The following KIRREL3 variants were observed in gnomAD, a reference collection of about 807,000 sequenced individuals.
KIRREL3 encodes kirre like nephrin family adhesion molecule 3, also known as kin of IRRE-like protein 3.
KIRREL3 carries 36 observed loss-of-function variants against 89.7 expected under a neutral mutation model. The observed-to-expected ratio is 0.40, with a 90% CI of 0.31 to 0.53. The LOEUF (loss-of-function observed/expected upper bound fraction) is 0.53, where lower values mean the gene tolerates loss of function less well. Ranked by LOEUF, KIRREL3 falls within the 20% of genes least tolerant of loss-of-function variation. The probability of loss-of-function intolerance (pLI) is 0.49; values close to 1 mark genes in which losing one functional copy is unlikely to be tolerated. For missense variants in KIRREL3, 864 were observed against 1,056.6 expected, an observed-to-expected ratio of 0.82 and a Z score of 2.53; for synonymous variants, 445 against 441.4, an observed-to-expected ratio of 1.01 and a Z score of -0.10.
At position 126,486,499 on chromosome 11, in the gene KIRREL3, C is replaced by A. The variant is rs769015528; in HGVS notation, c.434-13033G>T. On this transcript the variant is annotated intron_variant, in intron 4 of 16. Transcript: ENST00000525144. This position sits in a 1 kb window ranked among gnomAD's most constrained non-coding sequence, Gnocchi z 6.2. ...TGTTTGCAGGAATAACCGGCACATG[C>A]CCCCTTGCAGCCGCTCACAAAGCTC... is the stretch of plus-strand genomic sequence containing the variant. Among the ~76,000 whole-genome samples the A allele has an allele frequency of 6.2e-4, 94 of 152,322 alleles. No individual in the cohort carries two copies. The highest frequency in any genetic ancestry group is 6.8e-3 in the Middle Eastern group (2 of 294).
intron 1 of KIRREL3, among the ~76,000 whole-genome samples, chr11:126,926,043 C>T (rs1027661946): frequency 6.6e-6 from 1 of 152,256 alleles, no homozygotes; most frequent in African/African-American, 2.4e-5. Flanking sequence ...TCTTATATGA[C>T]TCTAACCACC....
intron 1 of KIRREL3, among the ~76,000 whole-genome samples, chr11:126,893,973 G>A (rs1272541045): frequency 1.3e-5 from 2 of 152,132 alleles, no homozygotes; most frequent in Non-Finnish European, 2.9e-5. Context: ...TTTTAGATGT[G>A]GCTGTAGATA....
rs665874 is a variant in KIRREL3 at position 126,620,868 on chromosome 11, T to C, written c.56-57956A>G. Among the ~76,000 whole-genome samples the C allele has an allele frequency of 0.35, 52,864 of 152,052 alleles. 9,401 individuals carry two copies. The highest frequency in any genetic ancestry group is 0.44 in the Admixed American group (6,747 of 15,270). ...GGAAGGCCGTACCCCACTTGCTGGA[T>C]GAGAACATACTGACAAATAGGCCTA... On this transcript the variant is annotated intron_variant, in intron 1 of 16. Coordinates refer to ENST00000525144, the MANE Select transcript of KIRREL3 (RefSeq NM_032531.4). The surrounding 1 kb of genome is among the most constrained non-coding windows in gnomAD (Gnocchi z 4.8).
chr11:126,902,743 C>T (rs1483492889), intron 1 of KIRREL3, among the ~76,000 whole-genome samples: 1 of 152,222 alleles, frequency 6.6e-6, no homozygotes, highest in Non-Finnish European at 1.5e-5. Flanking sequence ...GACACAGCTC[C>T]TTTCCAATAT....
At position 126,860,754 on chromosome 11, in the gene KIRREL3, G is replaced by C. The variant is rs919495028; in HGVS notation, c.55+139701C>G. Reference sequence around the variant, plus strand: ...AGGCCAGTGAGGAGGCTCCTGCCCTGGTCCAAAGGAGAGAGGCTGAGACTC... The same window carrying C: ...AGGCCAGTGAGGAGGCTCCTGCCCTCGTCCAAAGGAGAGAGGCTGAGACTC... On this transcript the variant is annotated intron_variant, in intron 1 of 16. Coordinates refer to ENST00000525144, the MANE Select transcript of KIRREL3 (RefSeq NM_032531.4). This position sits in a 1 kb window ranked among gnomAD's most constrained non-coding sequence, Gnocchi z 4.6. 1.3e-5 allele frequency among the ~76,000 whole-genome samples: 2 copies of C among 152,192 alleles called. No homozygotes were observed. The highest frequency in any genetic ancestry group is 2.9e-5 in the Non-Finnish European group (2 of 68,038).
At chr11:126,899,264 G>A (rs1946280017) in intron 1 of KIRREL3, among the ~76,000 whole-genome samples, 1 of 152,148 alleles carries the variant, frequency 6.6e-6, no homozygotes, top group South Asian at 2.1e-4. Context: ...ACAGGAGCCT[G>A]CCTGAATGCT....
At chr11:126,583,008 A>C (rs1941638538) in intron 1 of KIRREL3, among the ~76,000 whole-genome samples, 2 of 150,694 alleles carry the variant, frequency 1.3e-5, no homozygotes, top group South Asian at 4.2e-4. Context: ...TAACAGATGG[A>C]CACTGCTATC....
At chr11:126,756,534 T>A (rs1054795377) in intron 1 of KIRREL3, among the ~76,000 whole-genome samples, 1 of 152,250 alleles carries the variant, frequency 6.6e-6, no homozygotes, top group African/African-American at 2.4e-5. Context: ...CCAGGACAGA[T>A]GTATTGTTGG....
intron 1 of KIRREL3, among the ~76,000 whole-genome samples, chr11:126,857,661 T>A (rs1944566187): frequency 6.6e-6 from 1 of 151,946 alleles, no homozygotes; most frequent in African/African-American, 2.4e-5. Flanking sequence ...GAAGCAGCAT[T>A]TCCAGGACTT....
At position 126,969,454 on chromosome 11, in the gene KIRREL3, C is replaced by A. The variant is rs1434359067; in HGVS notation, c.55+31001G>T. On this transcript the variant is annotated intron_variant, in intron 1 of 16. Coordinates refer to ENST00000525144, the MANE Select transcript of KIRREL3 (RefSeq NM_032531.4). This position sits in a 1 kb window ranked among gnomAD's most constrained non-coding sequence, Gnocchi z 4.9. The stretch of plus-strand genomic sequence containing the variant: ...AAGCCACTGAGGAGGTGACACCCAG[C>A]GGTATCTGGAAGAATGAACAGGTGT... Among the ~76,000 whole-genome samples the A allele has an allele frequency of 6.6e-6, 1 of 152,036 alleles. No individual in the cohort carries two copies. Among genetic ancestry groups the A allele is most frequent in the Non-Finnish European group, 1.5e-5 (1 of 68,022 alleles).
At position 126,563,906 on chromosome 11, in the gene KIRREL3, G is replaced by A. The variant is rs990155798; in HGVS notation, c.56-994C>T. On this transcript the variant is annotated intron_variant, in intron 1 of 16. Transcript: ENST00000525144. The surrounding 1 kb of genome is among the most constrained non-coding windows in gnomAD (Gnocchi z 6.8). ...ACAACTCACTGAGGTGGGCATATGG[G>A]CCACTGCAACTGACATTATGCAGAT... Among the ~76,000 whole-genome samples the A allele has an allele frequency of 6.6e-6, 1 of 152,196 alleles. No individual in the cohort carries two copies. Among genetic ancestry groups the A allele is most frequent in the African/African-American group, 2.4e-5 (1 of 41,436 alleles).
rs1303513405 is a variant in KIRREL3, at chr11:126,995,041, CT to C, written c.55+5413del. On this transcript the variant is annotated intron_variant, in intron 1 of 16. Transcript: ENST00000525144. The surrounding 1 kb of genome is among the most constrained non-coding windows in gnomAD (Gnocchi z 6.5). ...TGCAGTCGATTCTCACATCATTCCTCTAACTGGAAATAAAAATCCCACTCTA... is the reference window on the plus strand; with the variant it reads ...TGCAGTCGATTCTCACATCATTCCTCAACTGGAAATAAAAATCCCACTCTA... 7 of 373,678 alleles carry C rather than the reference CT, an allele frequency of 1.9e-5. No homozygotes were observed. Among genetic ancestry groups the C allele is most frequent in the African/African-American group, 1.5e-4 (7 of 47,186 alleles). 23.1% of individuals were successfully genotyped at this position (373,678 alleles called of 1,614,324 possible).
intron 1 of KIRREL3, among the ~76,000 whole-genome samples, chr11:126,633,904 T>C (rs918667019): frequency 6.6e-6 from 1 of 152,216 alleles, no homozygotes; most frequent in Admixed American, 6.5e-5. Context: ...ACAGAGATTT[T>C]GTTCACATGG....
rs546734629 is a variant in KIRREL3 at position 126,706,950 on chromosome 11, T to G, written c.56-144038A>C. Among the ~76,000 whole-genome samples the G allele has an allele frequency of 1.1e-3, 161 of 152,088 alleles. 2 individuals are homozygous for G. In the South Asian group the frequency reaches 0.024, roughly 23 times the overall value. ...ACAGATTGTTTTTTGACTTTTTTTT[T>G]TTTTTTAAGAGATGGGGTCTCACTG... is the stretch of plus-strand genomic sequence containing the variant. On this transcript the variant is annotated intron_variant, in intron 1 of 16. Transcript: ENST00000525144.
At chr11:126,593,208 C>T (rs1942233145) in intron 1 of KIRREL3, among the ~76,000 whole-genome samples, 1 of 152,260 alleles carries the variant, frequency 6.6e-6, no homozygotes, top group African/African-American at 2.4e-5. Context: ...CTCTTCAGAG[C>T]AGTTCTCCCA....
intron 1 of KIRREL3, among the ~76,000 whole-genome samples, chr11:126,910,181 G>A (rs1946758772): frequency 6.6e-6 from 1 of 152,088 alleles, no homozygotes; most frequent in Non-Finnish European, 1.5e-5. Context: ...CCAGGGCTTT[G>A]AAAAGACTAA....
intron 5 of KIRREL3, among the ~76,000 whole-genome samples, chr11:126,469,589 G>T (rs1956827577): frequency 6.6e-6 from 1 of 152,354 alleles, no homozygotes; most frequent in South Asian, 2.1e-4. Flanking sequence ...TCCCTGCCCG[G>T]CACACAGCCC....
intron 1 of KIRREL3, among the ~76,000 whole-genome samples, chr11:126,839,611 CT>C (rs1022637322): frequency 6.6e-6 from 1 of 152,020 alleles, no homozygotes; most frequent in African/African-American, 2.4e-5. Flanking sequence ...ACTGGTTTGC[CT>C]TGGGTAAAAA....
At position 126,900,267 on chromosome 11, in the gene KIRREL3, C is replaced by T. The variant is rs907577691; in HGVS notation, c.55+100188G>A. Among the ~76,000 whole-genome samples, 2 of 152,148 alleles carry T rather than the reference C, an allele frequency of 1.3e-5. No homozygotes were observed. The highest frequency in any genetic ancestry group is 2.4e-5 in the African/African-American group (1 of 41,436). ...TCACTTGAATTATTCAAACCAAAGACGCCTTCACCACCAATGATCAGAGGA... is the reference window on the plus strand; with the variant it reads ...TCACTTGAATTATTCAAACCAAAGATGCCTTCACCACCAATGATCAGAGGA... On this transcript the variant is annotated intron_variant, in intron 1 of 16. Coordinates refer to ENST00000525144, the MANE Select transcript of KIRREL3 (RefSeq NM_032531.4). This position sits in a 1 kb window ranked among gnomAD's most constrained non-coding sequence, Gnocchi z 4.4.
Sources: gnomAD v4.1 joint callset for allele counts (sites outside exome capture counted in the v4.1 genomes callset) on GRCh38, gnomAD v4.1.1 for gene constraint, Gnocchi (gnomAD v3.1) non-coding constraint, MANE v1.5 for transcripts, NCBI Gene and HGNC (gene_info 2026-07-23, HGNC 2026-07-21) for gene names.